Variants in MDGA2 observed in about 807,000 individuals in gnomAD.
MDGA2 encodes the protein MAM domain-containing glycosylphosphatidylinositol anchor protein 2.
A neutral mutation model predicts 117.8 loss-of-function variants in MDGA2; 40 were observed. The ratio of observed to expected loss-of-function variants is 0.34; its 90% confidence interval spans 0.26 to 0.44. The LOEUF is 0.44. Ranked by LOEUF, MDGA2 falls within the 20% of genes least tolerant of loss-of-function variation. The pLI is 1.00. For missense variants in MDGA2, 1,123 were observed against 1,250.6 expected, an observed-to-expected ratio of 0.90 and a Z score of 1.54; for synonymous variants, 452 against 439.0, an observed-to-expected ratio of 1.03 and a Z score of -0.37.
In MDGA2 at chr14:47,258,448, A is replaced by C. The variant is rs143630373; in HGVS notation, c.421-40253T>G. 1.7e-3 allele frequency among the ~76,000 whole-genome samples: 265 copies of C among 152,124 alleles called. 1 individual carries two copies. The highest frequency in any genetic ancestry group is 2.4e-3 in the Non-Finnish European group (164 of 68,008). ...TTTAAACAACCAGATCTGAGAACTC[A>C]CTCACTATCACAAGAACAGCAAGGA... is the stretch of plus-strand genomic sequence containing the variant. On this transcript the variant is annotated intron_variant, in intron 2 of 16. Transcript: ENST00000399232.
At chr14:46,931,416 A>G (rs1376767904) in intron 9 of MDGA2, among the ~76,000 whole-genome samples, 2 of 151,892 alleles carry the variant, frequency 1.3e-5, no homozygotes, top group African/African-American at 4.8e-5. Context: ...GCACTCAAAT[A>G]TGTACCACGT....
chr14:47,476,261 C>T (rs1282517294), intron 1 of MDGA2, among the ~76,000 whole-genome samples: 4 of 151,918 alleles, frequency 2.6e-5, no homozygotes, highest in African/African-American at 7.3e-5. Context: ...CAAAAATATT[C>T]GAGTGCACAA....
At chr14:47,508,174 C>G (rs1894555964) in intron 1 of MDGA2, among the ~76,000 whole-genome samples, 1 of 152,164 alleles carries the variant, frequency 6.6e-6, no homozygotes, top group Admixed American at 6.5e-5. Context: ...AAAGTTATCT[C>G]TCCTATAAAT....
chr14:47,161,617 T>C (rs1883637028), intron 3 of MDGA2, among the ~76,000 whole-genome samples: 1 of 151,672 alleles, frequency 6.6e-6, no homozygotes, highest in East Asian at 1.9e-4. Context: ...TTTTTTTTCA[T>C]TTCCAAGGTG....
chr14:47,256,402 C>T (rs1887621619), intron 2 of MDGA2, among the ~76,000 whole-genome samples: 2 of 152,166 alleles, frequency 1.3e-5, no homozygotes, highest in South Asian at 4.1e-4. Context: ...CACTCACCAA[C>T]AGTACCCTTT....
chr14:46,884,039 A>C lies in MDGA2; in HGVS notation c.2239-1818T>G, dbSNP rs1246505111. ...CACTGGTGCTGATAATATGGCTTAA[A>C]ATTCTATTATTGGGGGTTATCTGTG... is the stretch of plus-strand genomic sequence containing the variant. On this transcript the variant is annotated intron_variant, in intron 10 of 16. Transcript: ENST00000399232. This position sits in a 1 kb window ranked among gnomAD's most constrained non-coding sequence, Gnocchi z 4.1. Among the ~76,000 whole-genome samples, 1 of 151,992 alleles carries C rather than the reference A, an allele frequency of 6.6e-6. No homozygotes were observed. Among genetic ancestry groups the C allele is most frequent in the African/African-American group, 2.4e-5 (1 of 41,390 alleles).
At chr14:47,483,881 C>G (rs1185412620) in intron 1 of MDGA2, among the ~76,000 whole-genome samples, 1 of 152,096 alleles carries the variant, frequency 6.6e-6, no homozygotes, top group African/African-American at 2.4e-5. Flanking sequence ...CCAAGAAGTG[C>G]TGGAGTATTC....
At chr14:47,653,603 C>T (rs562627755) in intron 1 of MDGA2, among the ~76,000 whole-genome samples, 2 of 152,220 alleles carry the variant, frequency 1.3e-5, no homozygotes, top group Admixed American at 1.3e-4. Context: ...TTCCCGGAAA[C>T]TGTGAATATG....
chr14:47,286,827 A>T (rs1042345368), intron 2 of MDGA2, among the ~76,000 whole-genome samples: 1 of 112,870 alleles, frequency 8.9e-6, no homozygotes, highest in Non-Finnish European at 1.9e-5. Context: ...ATATATATAC[A>T]TATATATATG....
At chr14:47,060,431 T>C (rs1273871538) in intron 7 of MDGA2, among the ~76,000 whole-genome samples, 1 of 152,104 alleles carries the variant, frequency 6.6e-6, no homozygotes, top group African/African-American at 2.4e-5. Context: ...TTTCAACACA[T>C]ATTATTTATC....
chr14:47,311,504 T>C (rs1889634078), intron 1 of MDGA2, among the ~76,000 whole-genome samples: 2 of 152,090 alleles, frequency 1.3e-5, no homozygotes, highest in South Asian at 2.1e-4. Context: ...AAAAAAAACA[T>C]CTTGGATCCC....
intron 1 of MDGA2, among the ~76,000 whole-genome samples, chr14:47,490,278 ACT>A: frequency 6.6e-6 from 1 of 152,086 alleles, no homozygotes; most frequent in East Asian, 1.9e-4. Flanking sequence ...GAAAAGTTGA[ACT>A]CTACTGACTA....
intron 13 of MDGA2, 120 bp downstream of exon 13, chr14:46,873,925 G>T: frequency 1.1e-6 from 1 of 932,284 alleles, no homozygotes; most frequent in Non-Finnish European, 1.5e-6. Flanking sequence ...ATACTGTACA[G>T]AAAATTTAAT....
intron 1 of MDGA2, among the ~76,000 whole-genome samples, chr14:47,366,358 GA>G (rs11364481): frequency 0.17 from 24,471 of 146,984 alleles, 2,230 homozygotes; most frequent in African/African-American, 0.24. Flanking sequence ...GTATTAGTCT[GA>G]AAAAAAAAAA....
At chr14:47,022,263 T>A (rs761795645) in intron 8 of MDGA2, among the ~76,000 whole-genome samples, 1 of 151,976 alleles carries the variant, frequency 6.6e-6, no homozygotes, top group Non-Finnish European at 1.5e-5. Flanking sequence ...TTTTTGTAGT[T>A]TTTTGCAGAG....
intron 1 of MDGA2, among the ~76,000 whole-genome samples, chr14:47,388,781 G>A (rs117825921): frequency 0.015 from 2,218 of 152,188 alleles, 57 homozygotes; most frequent in East Asian, 0.11. Context: ...TAGGGAGGAG[G>A]ATAAGTGACC....
chr14:47,114,018 A>G (rs979933110), intron 5 of MDGA2, among the ~76,000 whole-genome samples: 3 of 152,090 alleles, frequency 2.0e-5, no homozygotes, highest in African/African-American at 7.2e-5. Context: ...CCATCATCTC[A>G]CCCCTAATGC....
At chr14:47,189,867 G>C (rs1885046872) in intron 3 of MDGA2, among the ~76,000 whole-genome samples, 1 of 152,052 alleles carries the variant, frequency 6.6e-6, no homozygotes. Context: ...CACTGAGATG[G>C]TGACAATTAA....
At position 47,412,195 on chromosome 14, in the gene MDGA2, C is replaced by CAAAA. The variant is rs1286444598; in HGVS notation, c.281-110646_281-110645insTTTT. 7.2e-5 allele frequency among the ~76,000 whole-genome samples: 11 copies of CAAAA among 152,246 alleles called. No individual in the cohort carries two copies. In the East Asian group the frequency reaches 1.9e-3, roughly 27 times the overall value. ...TGAATAATGTGAGGCAAAAAACAAA[C>CAAAA]AAACAAACAAACAAAAAACCTTGAG... On this transcript the variant is annotated intron_variant, in intron 1 of 16. Coordinates refer to ENST00000399232, the MANE Select transcript of MDGA2 (RefSeq NM_001113498.3).
Sources: allele counts gnomAD v4.1 joint callset (sites outside exome capture counted in the v4.1 genomes callset), GRCh38; gene constraint gnomAD v4.1.1; non-coding constraint Gnocchi (gnomAD v3.1); transcripts MANE v1.5; gene names NCBI Gene and HGNC (gene_info 2026-07-23, HGNC 2026-07-21).